CCDC180: variants seen among roughly 807,000 people sequenced by gnomAD.
CCDC180 encodes the protein coiled-coil domain containing 180, also known as coiled-coil domain-containing protein 180.
A neutral mutation model predicts 209.2 loss-of-function variants in CCDC180; 154 were observed. That is an observed-to-expected ratio of 0.74 (90% CI 0.65 to 0.84). The LOEUF (loss-of-function observed/expected upper bound fraction) is 0.84, where lower values mean the gene tolerates loss of function less well. Among genes scored for constraint, CCDC180 ranks in the 40% least tolerant of loss-of-function variants. The pLI is 0.00. For missense variants in CCDC180, 1,874 were observed against 1,997.3 expected (o/e 0.94, Z 1.18); for synonymous variants, 778 against 749.1 (o/e 1.04, Z -0.63).
intron 11 of CCDC180, among the ~76,000 whole-genome samples, chr9:97,320,973 CT>C (rs1489164918): frequency 1.3e-5 from 2 of 152,130 alleles, no homozygotes; most frequent in Non-Finnish European, 2.9e-5. Flanking sequence ...TTGAATTTTG[CT>C]CTTTTTCTGG....
rs575965709 is a variant in CCDC180, at chr9:97,338,805, A to C, written c.2275-4535A>C. On this transcript the variant is annotated intron_variant, in intron 18 of 36. Coordinates refer to ENST00000529487, the MANE Select transcript of CCDC180 (RefSeq NM_020893.6). ...TGTGTGGGAGTCTAAGTCTCTTTGT[A>C]GGTCTCTCAGGACTTGCTTTATGAA... Among the ~76,000 whole-genome samples, 787 of 152,220 alleles carry C rather than the reference A, an allele frequency of 5.2e-3. 4 individuals are homozygous for C. Among genetic ancestry groups the C allele is most frequent in the African/African-American group, 0.018 (748 of 41,528 alleles).
chr9:97,323,040 C>T (rs1833408972), intron 12 of CCDC180, 119 bp downstream of exon 12: 1 of 721,142 alleles, frequency 1.4e-6, no homozygotes, highest in Admixed American at 2.2e-5. Flanking sequence ...CACACCCACA[C>T]ACCCTTTAGC....
chr9:97,370,849 GC>G, intron 33 of CCDC180, 71 bp downstream of exon 33: 1 of 1,513,268 alleles, frequency 6.6e-7, no homozygotes, highest in Non-Finnish European at 9.0e-7. Context: ...CACTGACAGT[GC>G]CAGGTGCAGC....
chr9:97,353,638 C>T (rs553722148), intron 22 of CCDC180, among the ~76,000 whole-genome samples: 9 of 152,354 alleles, frequency 5.9e-5, no homozygotes, highest in Middle Eastern at 3.4e-3. Context: ...CCAGGGAGCA[C>T]TACCTACCCA....
chr9:97,318,204 G>A (rs1013571588), intron 9 of CCDC180, among the ~76,000 whole-genome samples: 4 of 152,194 alleles, frequency 2.6e-5, no homozygotes, highest in Non-Finnish European at 5.9e-5. Flanking sequence ...CATGCTGTTG[G>A]TGCCAGAGCT....
At chr9:97,350,313 C>T (rs1199943977) in intron 21 of CCDC180, 96 bp from the exon 22 acceptor site, 8 of 1,260,896 alleles carry the variant, frequency 6.3e-6, no homozygotes, top group Non-Finnish European at 7.6e-6. Flanking sequence ...CGGCCCCTCC[C>T]TTGTCCCTCA....
chr9:97,342,886 A>G (rs1010416255), intron 18 of CCDC180, among the ~76,000 whole-genome samples: 2 of 152,252 alleles, frequency 1.3e-5, no homozygotes, highest in African/African-American at 4.8e-5. Context: ...TCACAGAACA[A>G]TAAGTTGAAT....
At chr9:97,316,929 G>T in intron 8 of CCDC180, 136 bp from the exon 9 acceptor site, 1 of 754,888 alleles carries the variant, frequency 1.3e-6, no homozygotes, top group Non-Finnish European at 2.2e-6. Flanking sequence ...TCCCCTTCAG[G>T]CCCTGCAACC....
chr9:97,357,025 G>C lies in CCDC180; in HGVS notation c.3265-602G>C, dbSNP rs868165693. Among the ~76,000 whole-genome samples the C allele has an allele frequency of 7.2e-5, 11 of 152,330 alleles. No homozygotes were observed. In the Middle Eastern group the frequency reaches 0.01, roughly 141 times the overall value. ...ATGGCTTCTCTGTCATGGATGTGTT[G>C]ACATTTTTACTTAAGCATTCCTTTC... On this transcript the variant is annotated intron_variant, in intron 24 of 36. Coordinates refer to ENST00000529487, the MANE Select transcript of CCDC180 (RefSeq NM_020893.6).
At chr9:97,319,712 A>G (rs1833294724) in intron 10 of CCDC180, among the ~76,000 whole-genome samples, 1 of 152,142 alleles carries the variant, frequency 6.6e-6, no homozygotes, top group African/African-American at 2.4e-5. Context: ...GATTTGCTGT[A>G]CTTAGTTTTC....
Position 97,358,509 on chromosome 9 carries a change from G to A in CCDC180, c.3363+784G>A, listed in dbSNP as rs545589064. Among the ~76,000 whole-genome samples, 4 of 152,220 alleles carry A rather than the reference G, an allele frequency of 2.6e-5. No homozygotes were observed. In the South Asian group the frequency reaches 6.2e-4, roughly 24 times the overall value. ...AGAATTGGAACAGTTTGTGGAGAGC[G>A]TGGTTCCAAGCGTTCGCCTGGCTCT... On this transcript the variant is annotated intron_variant, in intron 25 of 36. Coordinates refer to ENST00000529487, the MANE Select transcript of CCDC180 (RefSeq NM_020893.6).
chr9:97,320,336 AGCTCTGAGG>A (rs1256611147), intron 11 of CCDC180, 131 bp downstream of exon 11: 97 of 827,352 alleles, frequency 1.2e-4, no homozygotes, highest in Non-Finnish European at 1.8e-4. Flanking sequence ...AGGAAAAGTG[AGCTCTGAGG>A]GCTCAAAAGG....
chr9:97,346,036 A>AT (rs1826254039), intron 19 of CCDC180, among the ~76,000 whole-genome samples: 1 of 152,116 alleles, frequency 6.6e-6, no homozygotes, highest in Non-Finnish European at 1.5e-5. Context: ...CCTGGAACTG[A>AT]TTTTTTGTTT....
chr9:97,330,848 G>T (rs372984964), intron 18 of CCDC180, 81 bp downstream of exon 18: 1 of 1,307,302 alleles, frequency 7.6e-7, no homozygotes, highest in African/African-American at 1.5e-5. Context: ...TGTAAGCTGG[G>T]GTCTTCAGTG....
chr9:97,326,671 T>A lies in CCDC180; in HGVS notation c.1661+2T>A. ...TTATCTGAAGAACATGAAATCCAGG[T>A]AGGCCAACCAGACTCCAGAAGGCAG... On this transcript the variant is annotated splice_donor_variant, in intron 15 of 36. Coordinates refer to ENST00000529487, the MANE Select transcript of CCDC180 (RefSeq NM_020893.6). LOFTEE classifies it high-confidence loss of function. 1.3e-6 allele frequency: 2 copies of A among 1,580,652 alleles called. No individual in the cohort carries two copies. The highest frequency in any genetic ancestry group is 1.7e-6 in the Non-Finnish European group (2 of 1,149,544).
intron 8 of CCDC180, among the ~76,000 whole-genome samples, chr9:97,315,983 T>C (rs1431102070): frequency 6.6e-6 from 1 of 152,154 alleles, no homozygotes; most frequent in Non-Finnish European, 1.5e-5. Context: ...AGTTGAAAAA[T>C]CATGTCAAGC....
At chr9:97,346,697 C>T (rs368550869) in intron 19 of CCDC180, among the ~76,000 whole-genome samples, 53 of 152,254 alleles carry the variant, frequency 3.5e-4, no homozygotes, top group African/African-American at 1.3e-3. Flanking sequence ...GCCTTAACCT[C>T]CTGAGTAGAT....
chr9:97,378,160 T>C lies in CCDC180; in HGVS notation c.*1266T>C, dbSNP rs1440838564. On this transcript the variant is annotated 3_prime_UTR_variant, in exon 37 of 37. Transcript: ENST00000529487. ...GTGAGCCAAGATCATGCCACTTCAC[T>C]CTGGCCTGAGCAACAGAATGAGACT... 4 of 152,172 alleles carry C rather than the reference T, an allele frequency of 2.6e-5. No individual in the cohort carries two copies. Among genetic ancestry groups the C allele is most frequent in the African/African-American group, 9.7e-5 (4 of 41,428 alleles). 9.4% of individuals were successfully genotyped at this position (152,172 alleles called of 1,614,324 possible).
intron 3 of CCDC180, among the ~76,000 whole-genome samples, chr9:97,310,222 C>G (rs1373210596): frequency 1.3e-5 from 2 of 152,218 alleles, no homozygotes; most frequent in Non-Finnish European, 2.9e-5. Flanking sequence ...GCACAGGACA[C>G]TGCAGTTGTC....
Sources: allele counts gnomAD v4.1 joint callset (sites outside exome capture counted in the v4.1 genomes callset), GRCh38; gene constraint gnomAD v4.1.1; transcripts MANE v1.5; gene names NCBI Gene and HGNC (gene_info 2026-07-23, HGNC 2026-07-21).